The following RASGRP3 variants were observed in gnomAD, a reference collection of about 807,000 sequenced individuals.
RASGRP3 encodes the protein ras guanyl-releasing protein 3.
A neutral mutation model predicts 82.7 loss-of-function variants in RASGRP3; 54 were observed. The observed-to-expected ratio is 0.65, with a 90% CI of 0.52 to 0.82. The LOEUF (loss-of-function observed/expected upper bound fraction) is 0.82. RASGRP3 is among the 40% of genes least tolerant of loss of function. The probability of loss-of-function intolerance (pLI) is 0.00; values close to 1 mark genes in which losing one functional copy is unlikely to be tolerated. For missense variants in RASGRP3, 861 were observed against 828.9 expected (o/e 1.04, Z -0.48); for synonymous variants, 309 against 300.5 (o/e 1.03, Z -0.29).
At chr2:33,526,647 G>A (rs1371882478) in intron 9 of RASGRP3, among the ~76,000 whole-genome samples, 1 of 152,172 alleles carries the variant, frequency 6.6e-6, no homozygotes, top group East Asian at 1.9e-4. Context: ...AAAAAGTGAA[G>A]TGACTTGCTC....
chr2:33,454,042 T>C (rs1665924993), intron 2 of RASGRP3, among the ~76,000 whole-genome samples: 1 of 152,152 alleles, frequency 6.6e-6, no homozygotes, highest in Non-Finnish European at 1.5e-5. Flanking sequence ...CATCTTCTTC[T>C]TTTAAGTAAA....
chr2:33,440,927 C>G (rs920556490), intron 1 of RASGRP3, among the ~76,000 whole-genome samples: 1 of 152,084 alleles, frequency 6.6e-6, no homozygotes, highest in African/African-American at 2.4e-5. Context: ...AGGTCCCCCT[C>G]TATCACCCAG....
chr2:33,468,648 C>T (rs146089372), intron 2 of RASGRP3, among the ~76,000 whole-genome samples: 4,388 of 152,206 alleles, frequency 0.029, 236 homozygotes, highest in African/African-American at 0.1. Flanking sequence ...GATCCACCTG[C>T]CTCGGCCTCC....
rs560189252 is a variant in RASGRP3 at position 33,452,308 on chromosome 2, T to C, written c.-261+4365T>C. 8.5e-5 allele frequency among the ~76,000 whole-genome samples: 13 copies of C among 152,326 alleles called. No homozygotes were observed. In the South Asian group the frequency reaches 2.1e-3, roughly 24 times the overall value. ...TATTCACTATCTTTGTGGCTATATA[T>C]TGATGTCTATGCATATGAAGAAGTA... On this transcript the variant is annotated intron_variant, in intron 2 of 18. Transcript: ENST00000402538.
Position 33,522,109 on chromosome 2 carries a change from A to C in RASGRP3, c.516+7A>C, listed in dbSNP as rs1395586450. On this transcript the variant is annotated splice_region_variant and intron_variant, in intron 7 of 17. Coordinates refer to ENST00000403687, the MANE Select transcript of RASGRP3 (RefSeq NM_001139488.2). ...ATCTTTTAGAAGGATCTCAGTAAGA[A>C]ACTTGACATTTATTCTTCCAAGGAT... 2.5e-6 allele frequency: 4 copies of C among 1,597,374 alleles called. No homozygotes were observed. The Admixed American group carries it at 7.3e-5, about 29-fold the overall frequency.
chr2:33,450,404 G>A (rs1665723484), intron 2 of RASGRP3, among the ~76,000 whole-genome samples: 1 of 151,472 alleles, frequency 6.6e-6, no homozygotes, highest in Admixed American at 6.6e-5. Flanking sequence ...CCAGCCCCTT[G>A]CAATCCTCAT....
intron 1 of RASGRP3, among the ~76,000 whole-genome samples, chr2:33,486,344 T>G (rs1668378819): frequency 6.6e-6 from 1 of 151,884 alleles, no homozygotes; most frequent in Non-Finnish European, 1.5e-5. Flanking sequence ...TTGTATTTTG[T>G]TTTAGTAGAG....
chr2:33,495,177 A>G (rs1433619326), intron 1 of RASGRP3, among the ~76,000 whole-genome samples: 1 of 152,178 alleles, frequency 6.6e-6, no homozygotes, highest in Non-Finnish European at 1.5e-5. Flanking sequence ...AGGGCTTGTA[A>G]GTGCAGATGT....
At chr2:33,505,555 T>A (rs184941334) in intron 1 of RASGRP3, among the ~76,000 whole-genome samples, 5 of 152,214 alleles carry the variant, frequency 3.3e-5, no homozygotes, top group Admixed American at 3.3e-4. Flanking sequence ...GCCCACAGCC[T>A]CTTAAAGTGC....
At chr2:33,458,395 A>T (rs1057503795) in intron 2 of RASGRP3, among the ~76,000 whole-genome samples, 11 of 152,102 alleles carry the variant, frequency 7.2e-5, no homozygotes, top group Admixed American at 6.5e-4. Context: ...TGTGTTTTAG[A>T]GCGTGTTGGC....
At chr2:33,456,845 AG>A (rs1299387177) in intron 2 of RASGRP3, among the ~76,000 whole-genome samples, 1 of 151,978 alleles carries the variant, frequency 6.6e-6, no homozygotes, top group Non-Finnish European at 1.5e-5. Flanking sequence ...TCTACACAAA[AG>A]TAACTATGAT....
chr2:33,448,386 A>G (rs761151840), intron 2 of RASGRP3, among the ~76,000 whole-genome samples: 52 of 152,236 alleles, frequency 3.4e-4, no homozygotes, highest in South Asian at 8.3e-4. Context: ...ATAATAGCTG[A>G]AAGGCAGACA....
At chr2:33,554,794 T>G (rs1452505429) in intron 14 of RASGRP3, among the ~76,000 whole-genome samples, 1 of 152,132 alleles carries the variant, frequency 6.6e-6, no homozygotes, top group Non-Finnish European at 1.5e-5. Context: ...TTTATGGTGT[T>G]TAGAAGGAGT....
At chr2:33,473,613 G>A (rs1432995560), upstream of RASGRP3, among the ~76,000 whole-genome samples, 1 of 152,150 alleles carries the variant, frequency 6.6e-6, no homozygotes, top group Admixed American at 6.5e-5. Context: ...CTTGGAACTG[G>A]TAGGGAGTGT....
intron 1 of RASGRP3, among the ~76,000 whole-genome samples, chr2:33,486,052 A>G (rs6728369): frequency 1.3e-5 from 2 of 152,252 alleles, no homozygotes; most frequent in Non-Finnish European, 2.9e-5. Context: ...CTAGTAGAAT[A>G]CAGGATTTCC....
At chr2:33,555,497 A>G (rs1675848740) in intron 14 of RASGRP3, 34 bp from the exon 15 acceptor site, 3 of 1,566,502 alleles carry the variant, frequency 1.9e-6, no homozygotes, top group African/African-American at 1.3e-5. Context: ...ATCTATCCTC[A>G]GATTCCCTGA....
chr2:33,482,576 C>T (rs1191589283), intron 1 of RASGRP3: 1 of 152,182 alleles, frequency 6.6e-6, no homozygotes, highest in Non-Finnish European at 1.5e-5. Flanking sequence ...ATTCTAACTA[C>T]CATGAATAGT....
Position 33,469,637 on chromosome 2 carries a change from T to A in RASGRP3, c.-261+21694T>A, listed in dbSNP as rs919754283. ...ACCATGCCCAGCTAATTTTTTATAT[T>A]TTTGGTAGAGAAGGGGTTTCACCAT... On this transcript the variant is annotated intron_variant, in intron 2 of 18. Coordinates refer to the RASGRP3 transcript ENST00000402538. 2.6e-5 allele frequency among the ~76,000 whole-genome samples: 4 copies of A among 152,034 alleles called. 1 individual carries two copies. Among genetic ancestry groups the A allele is most frequent in the Admixed American group, 2.6e-4 (4 of 15,242 alleles).
chr2:33,540,764 G>A (rs1185108880), intron 12 of RASGRP3, among the ~76,000 whole-genome samples: 1 of 144,772 alleles, frequency 6.9e-6, no homozygotes, highest in African/African-American at 2.5e-5. Flanking sequence ...TCTTCTACTC[G>A]TGGTATAAAT....
Sources: allele counts gnomAD v4.1 joint callset (sites outside exome capture counted in the v4.1 genomes callset), GRCh38; gene constraint gnomAD v4.1.1; transcripts MANE v1.5; gene names NCBI Gene and HGNC (gene_info 2026-07-23, HGNC 2026-07-21).